The following PPM1L variants were observed in gnomAD, a reference collection of about 807,000 sequenced individuals.
The protein encoded by PPM1L is protein phosphatase, Mg2+/Mn2+ dependent 1L.
Under a neutral mutation model 31.4 loss-of-function variants are expected in PPM1L, and 13 were observed. That is an observed-to-expected ratio of 0.41 (90% CI 0.27 to 0.66). The LOEUF (loss-of-function observed/expected upper bound fraction) is 0.66. Among genes scored for constraint, PPM1L ranks in the 30% least tolerant of loss-of-function variants. The probability of loss-of-function intolerance (pLI) is 0.29; values close to 1 mark genes in which losing one functional copy is unlikely to be tolerated. For missense variants in PPM1L, 326 were observed against 453.7 expected, an observed-to-expected ratio of 0.72 and a Z score of 2.56; for synonymous variants, 184 against 175.4, an observed-to-expected ratio of 1.05 and a Z score of -0.39.
At chr3:160,895,512 C>T (rs1276789611) in intron 1 of PPM1L, among the ~76,000 whole-genome samples, 1 of 152,156 alleles carries the variant, frequency 6.6e-6, no homozygotes, top group Non-Finnish European at 1.5e-5. Context: ...ACCACCATGC[C>T]CAGCCCACCT....
chr3:160,954,056 C>T (rs1246134367), intron 1 of PPM1L, among the ~76,000 whole-genome samples: 1 of 152,032 alleles, frequency 6.6e-6, no homozygotes, highest in Non-Finnish European at 1.5e-5. Context: ...AATTTAAAAG[C>T]AATTTGTGTT....
At chr3:160,973,174 T>C (rs1460694385) in intron 2 of PPM1L, among the ~76,000 whole-genome samples, 1 of 152,228 alleles carries the variant, frequency 6.6e-6, no homozygotes, top group East Asian at 1.9e-4. Flanking sequence ...AACACTGATA[T>C]TTAGAATCAG....
At chr3:160,959,978 T>C (rs758087531) in intron 1 of PPM1L, among the ~76,000 whole-genome samples, 1 of 152,166 alleles carries the variant, frequency 6.6e-6, no homozygotes, top group Non-Finnish European at 1.5e-5. Context: ...ATATATATGT[T>C]GTAGGATATA....
chr3:161,023,952 C>T (rs1718306002), intron 2 of PPM1L, among the ~76,000 whole-genome samples: 1 of 152,336 alleles, frequency 6.6e-6, no homozygotes, highest in South Asian at 2.1e-4. Context: ...TCAAATTCCA[C>T]TGTGGACATC....
intron 2 of PPM1L, among the ~76,000 whole-genome samples, chr3:161,048,183 A>G (rs970487943): frequency 5.3e-5 from 8 of 152,208 alleles, no homozygotes; most frequent in Non-Finnish European, 1.0e-4. Context: ...TTTGCAATCT[A>G]CTTATCTGAC....
chr3:160,915,313 T>A (rs1035493751), intron 1 of PPM1L, among the ~76,000 whole-genome samples: 5 of 152,108 alleles, frequency 3.3e-5, no homozygotes, highest in African/African-American at 1.2e-4. Context: ...TCACAATTGC[T>A]TCAAAGAGAA....
At chr3:160,830,407 T>C (rs1713490038) in intron 1 of PPM1L, among the ~76,000 whole-genome samples, 1 of 152,128 alleles carries the variant, frequency 6.6e-6, no homozygotes, top group South Asian at 2.1e-4. Flanking sequence ...CTAGCATGCA[T>C]CCTAGTGGAG....
In PPM1L at chr3:160,756,383, G is replaced by A. The variant is rs752857218; in HGVS notation, c.75G>A (p.Thr25=). Residue 25 remains threonine, a synonymous_variant, in exon 1 of 4, where the codon ACG becomes ACA. Transcript: ENST00000498165. The surrounding 1 kb of genome is among the most constrained non-coding windows in gnomAD (Gnocchi z 6.2). ...IMRYFLLRPE[T]LFLLCISLAL... is the part of the protein sequence containing the mutation. ...GCTACTTCTTGCTGAGACCCGAGAC[G>A]CTTTTCCTGCTGTGCATCAGCTTGG... 1 of 1,614,228 alleles carries A rather than the reference G, an allele frequency of 6.2e-7. No individual in the cohort carries two copies. Among genetic ancestry groups the A allele is most frequent in the South Asian group, 1.1e-5 (1 of 91,090 alleles).
chr3:160,925,436 T>G (rs1714552804), intron 1 of PPM1L, among the ~76,000 whole-genome samples: 1 of 152,188 alleles, frequency 6.6e-6, no homozygotes, highest in Non-Finnish European at 1.5e-5. Flanking sequence ...AAACATCAAT[T>G]CAATTGAGTT....
chr3:160,898,660 C>G (rs991550917), intron 1 of PPM1L, among the ~76,000 whole-genome samples: 40 of 152,146 alleles, frequency 2.6e-4, no homozygotes, highest in African/African-American at 9.2e-4. Flanking sequence ...TCTAGGGGAC[C>G]AGGTGAACCA....
chr3:160,899,076 GT>G (rs1250315168), intron 1 of PPM1L, among the ~76,000 whole-genome samples: 1 of 152,028 alleles, frequency 6.6e-6, no homozygotes, highest in Non-Finnish European at 1.5e-5. Flanking sequence ...TGTGCTGGGT[GT>G]TTTATTATGT....
chr3:160,928,506 A>C (rs1714674853), intron 1 of PPM1L, among the ~76,000 whole-genome samples: 1 of 152,250 alleles, frequency 6.6e-6, no homozygotes, highest in Non-Finnish European at 1.5e-5. Context: ...AGCTACTGGT[A>C]GCCAATTGCT....
chr3:160,933,317 C>T (rs1308278711), intron 1 of PPM1L, among the ~76,000 whole-genome samples: 1 of 151,648 alleles, frequency 6.6e-6, no homozygotes, highest in Non-Finnish European at 1.5e-5. Flanking sequence ...GGACTTATAT[C>T]TACCTATTTC....
intron 2 of PPM1L, among the ~76,000 whole-genome samples, chr3:160,970,787 A>ATTTTTTTTTTTTTTTTTTT (rs71628437): frequency 2.1e-5 from 2 of 97,198 alleles, no homozygotes; most frequent in African/African-American, 8.9e-5. Context: ...TTCAGTTATA[A>ATTTTTTTTTTTTTTTTTTT]TTTTTTTTTT....
intron 1 of PPM1L, among the ~76,000 whole-genome samples, chr3:160,949,727 C>G (rs1715515680): frequency 6.6e-6 from 1 of 152,120 alleles, no homozygotes; most frequent in Admixed American, 6.5e-5. Context: ...TGCTCATAAA[C>G]TAGTGGGAAG....
At chr3:161,013,360 G>A (rs759034759) in intron 2 of PPM1L, among the ~76,000 whole-genome samples, 3 of 152,132 alleles carry the variant, frequency 2.0e-5, no homozygotes, top group Non-Finnish European at 2.9e-5. Context: ...ATCCTGAGTT[G>A]TAGTTTGATT....
At chr3:160,925,347 C>T (rs564648533) in intron 1 of PPM1L, among the ~76,000 whole-genome samples, 13 of 152,172 alleles carry the variant, frequency 8.5e-5, no homozygotes, top group Non-Finnish European at 1.5e-4. Flanking sequence ...ATTTATTTAG[C>T]ATGGTATGTT....
At chr3:160,765,878 G>A (rs1484165872) in intron 1 of PPM1L, among the ~76,000 whole-genome samples, 1 of 151,932 alleles carries the variant, frequency 6.6e-6, no homozygotes, top group Non-Finnish European at 1.5e-5. Flanking sequence ...TTAATTTTAA[G>A]CAGCAAATAT....
At chr3:161,012,274 A>G (rs1717921612) in intron 2 of PPM1L, among the ~76,000 whole-genome samples, 1 of 152,146 alleles carries the variant, frequency 6.6e-6, no homozygotes, top group Non-Finnish European at 1.5e-5. Flanking sequence ...TATTGAGATC[A>G]TCATGTGGTT....
Sources: allele counts gnomAD v4.1 joint callset (sites outside exome capture counted in the v4.1 genomes callset), GRCh38; gene constraint gnomAD v4.1.1; non-coding constraint Gnocchi (gnomAD v3.1); transcripts MANE v1.5; gene names NCBI Gene and HGNC (gene_info 2026-07-23, HGNC 2026-07-21).